The following RCC1 variants were observed in gnomAD, a reference collection of about 807,000 sequenced individuals.
The protein encoded by RCC1 is regulator of chromosome condensation 1.
In RCC1, 11 loss-of-function variants were observed where a neutral mutation model predicts 44.4. The ratio of observed to expected loss-of-function variants is 0.25; its 90% CI spans 0.16 to 0.41. The LOEUF is 0.41. Ranked by LOEUF, RCC1 falls within the 10% of genes least tolerant of loss-of-function variation. The probability of loss-of-function intolerance (pLI) is 1.00; values close to 1 mark genes in which losing one functional copy is unlikely to be tolerated. For missense variants in RCC1, 386 were observed against 547.1 expected, an observed-to-expected ratio of 0.71 and a Z score of 2.94; for synonymous variants, 213 against 216.5, an observed-to-expected ratio of 0.98 and a Z score of 0.14.
intron 4 of RCC1, among the ~76,000 whole-genome samples, chr1:28,519,471 A>G (rs1163860404): frequency 2.0e-5 from 3 of 152,126 alleles, no homozygotes; most frequent in African/African-American, 7.2e-5. Flanking sequence ...CATCGTTACA[A>G]CTTTCTCATC....
At chr1:28,529,579 AC>A (rs1464230231) in intron 4 of RCC1, among the ~76,000 whole-genome samples, 3 of 152,066 alleles carry the variant, frequency 2.0e-5, no homozygotes, top group African/African-American at 7.2e-5. Context: ...ATGGCTTCAT[AC>A]TGTTCTATCA....
At position 28,537,867 on chromosome 1, in the gene RCC1, C is replaced by CAGCT; in HGVS notation, c.1127_1130dup (p.Gly378AlafsTer7). 3 of 1,613,392 alleles carry CAGCT rather than the reference C, an allele frequency of 1.9e-6. No homozygotes were observed. Among genetic ancestry groups the CAGCT allele is most frequent in the Non-Finnish European group, 2.5e-6 (3 of 1,179,762 alleles). On this transcript the variant is annotated frameshift_variant, in exon 13 of 13. Coordinates refer to ENST00000683442, the MANE Select transcript of RCC1 (RefSeq NM_001381865.2). LOFTEE classifies it high-confidence loss of function. ...CGCCTGGGGCATGGGCACCAACTAC[C>CAGCT]AGCTGGGCACAGGGCAGGATGAGGA...
chr1:28,514,773 A>C (rs1557869057), intron 3 of RCC1, among the ~76,000 whole-genome samples: 2 of 151,652 alleles, frequency 1.3e-5, no homozygotes, highest in Non-Finnish European at 2.9e-5. Flanking sequence ...AAAAAAAAAA[A>C]CAATCTTCCG....
At chr1:28,508,039 G>T (rs4654319) in intron 1 of RCC1, 89 bp from the exon 2 acceptor site, 1 of 388,436 alleles carries the variant, frequency 2.6e-6, no homozygotes, top group Admixed American at 2.9e-5. Context: ...CAGTGCCACT[G>T]TACTCCAACC....
chr1:28,535,035 G>T lies in RCC1; in HGVS notation c.442-15G>T. The stretch of plus-strand genomic sequence containing the variant: ...GGCAGGACTGGCTGATAAGTGCCCT[G>T]TCCCTCCCTTCTAGGACAATAACGG... On this transcript the variant is annotated splice_polypyrimidine_tract_variant and intron_variant, in intron 7 of 12. Transcript: ENST00000683442. 6.2e-7 allele frequency: 1 copy of T among 1,609,218 alleles called. No individual in the cohort carries two copies. The highest frequency in any genetic ancestry group is 8.5e-7 in the Non-Finnish European group (1 of 1,175,638).
intron 9 of RCC1, 64 bp from the exon 10 acceptor site, chr1:28,535,807 T>G: frequency 1.9e-6 from 3 of 1,551,230 alleles, no homozygotes; most frequent in Non-Finnish European, 2.6e-6. Flanking sequence ...AGAATTAAAC[T>G]CGGGGCAGAG....
At chr1:28,514,156 CAAA>C (rs1158044888) in intron 3 of RCC1, among the ~76,000 whole-genome samples, 4 of 134,944 alleles carry the variant, frequency 3.0e-5, no homozygotes, top group Non-Finnish European at 4.8e-5. Context: ...GACTCCGTCT[CAAA>C]AAAAAAAAAG....
Position 28,516,865 on chromosome 1 carries a change from G to A in RCC1, c.-12G>A. On this transcript the variant is annotated splice_region_variant and 5_prime_UTR_variant, in exon 4 of 13. Transcript: ENST00000683442. Reference sequence around the variant, plus strand: ...TGATGGAGGCAGAGGTAAACTTGGAGAGGTAAGAAACCCTGAAGACAGGGG... The same window carrying A: ...TGATGGAGGCAGAGGTAAACTTGGAAAGGTAAGAAACCCTGAAGACAGGGG... 1 of 456,640 alleles carries A rather than the reference G, an allele frequency of 2.2e-6. No homozygotes were observed. 28.3% of individuals were successfully genotyped at this position (456,640 alleles called of 1,614,324 possible). A position where few individuals can be genotyped will look rare whatever the true frequency, so the allele number is the denominator to read the frequency against.
At chr1:28,530,372 G>A in intron 5 of RCC1, 2 of 664,636 alleles carry the variant, frequency 3.0e-6, no homozygotes, top group South Asian at 1.8e-5. Flanking sequence ...GTGAGGATGA[G>A]ATGAGATAAT....
At chr1:28,525,928 C>T (rs1478899705) in intron 4 of RCC1, among the ~76,000 whole-genome samples, 1 of 152,128 alleles carries the variant, frequency 6.6e-6, no homozygotes, top group Non-Finnish European at 1.5e-5. Context: ...TGGAGTTCTC[C>T]TTCCCTTCGT....
At chr1:28,532,447 C>T (rs1399204068) in intron 7 of RCC1, 97 bp downstream of exon 7, 4 of 1,347,902 alleles carry the variant, frequency 3.0e-6, no homozygotes, top group Non-Finnish European at 4.1e-6. Flanking sequence ...ATGGTACTTA[C>T]TGGTGGGGAG....
chr1:28,507,920 A>C (rs1662147320), intron 1 of RCC1: 1 of 307,122 alleles, frequency 3.3e-6, no homozygotes, highest in Non-Finnish European at 6.4e-6. Context: ...TGAAGTCTTA[A>C]TACATGTTTA....
intron 7 of RCC1, among the ~76,000 whole-genome samples, chr1:28,533,144 G>A (rs1264218528): frequency 1.3e-5 from 2 of 151,682 alleles, no homozygotes; most frequent in South Asian, 4.2e-4. Context: ...CATCTATTTT[G>A]AAATTTTCAT....
At chr1:28,530,317 C>A (rs1308256247) in intron 5 of RCC1, among the ~76,000 whole-genome samples, 1 of 152,266 alleles carries the variant, frequency 6.6e-6, no homozygotes, top group Non-Finnish European at 1.5e-5. Context: ...TTATCAACTT[C>A]TTAAAATGGC....
chr1:28,516,949 A>C, intron 4 of RCC1, 82 bp downstream of exon 4: 1 of 439,796 alleles, frequency 2.3e-6, no homozygotes, highest in Non-Finnish European at 4.5e-6. Flanking sequence ...GGCGAAACCC[A>C]GTCTCTACTA....
chr1:28,508,241 TTTATTC>T (rs1662185779), intron 2 of RCC1, 81 bp downstream of exon 2: 1 of 393,314 alleles, frequency 2.5e-6, no homozygotes, highest in Non-Finnish European at 5.2e-6. Flanking sequence ...TGAAGAGACT[TTTATTC>T]TAGTTGGTCA....
Position 28,533,770 on chromosome 1 carries a change from C to CT in RCC1, c.442-1280_442-1279insT, listed in dbSNP as rs1491370096. 4.1e-4 allele frequency among the ~76,000 whole-genome samples: 13 copies of CT among 31,984 alleles called. No individual in the cohort carries two copies. In the South Asian group the frequency reaches 0.027, roughly 67 times the overall value. The allele number at this position is 31,984 out of a possible 152,430, so 21.0% of individuals were successfully genotyped here. A position where few individuals can be genotyped will look rare whatever the true frequency, so the allele number is the denominator to read the frequency against. On this transcript the variant is annotated intron_variant, in intron 7 of 12. Transcript: ENST00000683442. ...GGGCAACAAGAGCGAAACTCTGTCT[C>CT]AAAAAAAAAAAAAAAAAAAAAAAAA... is the stretch of plus-strand genomic sequence containing the variant.
At chr1:28,515,271 CAG>C (rs537118864) in intron 3 of RCC1, among the ~76,000 whole-genome samples, 138 of 152,090 alleles carry the variant, frequency 9.1e-4, no homozygotes, top group African/African-American at 3.2e-3. Context: ...GCCTAGGCAA[CAG>C]AGTGAGACTC....
chr1:28,506,536 C>T (rs1661949786), intron 1 of RCC1: 1 of 242,472 alleles, frequency 4.1e-6, no homozygotes, highest in African/African-American at 2.4e-5. Flanking sequence ...GGCATCGGTC[C>T]CAACTCTAAA....
Sources: gnomAD v4.1 joint callset for allele counts (sites outside exome capture counted in the v4.1 genomes callset) on GRCh38, gnomAD v4.1.1 for gene constraint, MANE v1.5 for transcripts, NCBI Gene and HGNC (gene_info 2026-07-23, HGNC 2026-07-21) for gene names.